Variants in ERCC4 observed in about 807,000 individuals in gnomAD.
ERCC4 encodes the protein DNA repair endonuclease XPF.
In ERCC4, 65 loss-of-function variants were observed where a neutral mutation model predicts 76.9. That is an observed-to-expected ratio of 0.84 (90% CI 0.69 to 1.04). The LOEUF (loss-of-function observed/expected upper bound fraction) is 1.04. Ranked by LOEUF, ERCC4 falls within the 50% of genes least tolerant of loss-of-function variation. ERCC4 has a pLI of 0.00. For missense variants in ERCC4, 1,214 were observed against 1,128.2 expected (o/e 1.08, Z -1.09); for synonymous variants, 463 against 410.1 (o/e 1.13, Z -1.56).
chr16:13,920,219 C>T lies in ERCC4; in HGVS notation c.54C>T (p.Tyr18=), dbSNP rs2141937022. ...TTGCCATGGCGCCGCTGCTGGAGTA[C>T]GAGCGACAGCTGGTGCTGGAACTGC... ...RRIAMAPLLE[Y]ERQLVLELLD... The change falls in exon 1 of 11, where the codon TAC becomes TAT. Residue 18 remains tyrosine, a synonymous_variant. Coordinates refer to ENST00000311895, the MANE Select transcript of ERCC4 (RefSeq NM_005236.3). 4 of 1,607,736 alleles carry T rather than the reference C, an allele frequency of 2.5e-6. No individual in the cohort carries two copies. In the African/African-American group the frequency reaches 4.0e-5, roughly 16 times the overall value.
intron 9 of ERCC4, among the ~76,000 whole-genome samples, chr16:13,939,542 G>T (rs2032373132): frequency 6.6e-6 from 1 of 152,110 alleles, no homozygotes; most frequent in African/African-American, 2.4e-5. Context: ...AGGCAGATGG[G>T]GTGGAAAGGG....
intron 4 of ERCC4, among the ~76,000 whole-genome samples, chr16:13,929,880 C>T (rs2032140506): frequency 6.6e-6 from 1 of 152,168 alleles, no homozygotes. Context: ...AGGATAATGG[C>T]ACGAACCTGG....
intron 2 of ERCC4, among the ~76,000 whole-genome samples, chr16:13,923,943 T>A (rs1026969234): frequency 2.0e-5 from 3 of 152,186 alleles, no homozygotes; most frequent in Non-Finnish European, 4.4e-5. Context: ...GCAACCTAAT[T>A]AGGCAGAGAG....
At chr16:13,930,038 G>C (rs2032143933) in intron 4 of ERCC4, among the ~76,000 whole-genome samples, 1 of 151,966 alleles carries the variant, frequency 6.6e-6, no homozygotes, top group Non-Finnish European at 1.5e-5. Flanking sequence ...ATCCACTTTA[G>C]AAAAAACACT....
intron 2 of ERCC4, among the ~76,000 whole-genome samples, chr16:13,923,718 T>C (rs1205766686): frequency 6.6e-6 from 1 of 150,968 alleles, no homozygotes; most frequent in Non-Finnish European, 1.5e-5. Context: ...AATTTCTTAG[T>C]ATAGTGCCTG....
Position 13,920,174 on chromosome 16 carries a change from A to T in ERCC4, c.9A>T (p.Ser3=). The part of the protein sequence containing the change: ME[S]GQPARRIAMA... ...GACCCGGAAGAGCTTCCATGGAGTC[A>T]GGGCAGCCGGCTCGACGGATTGCCA... The change falls in exon 1 of 11, where the codon TCA becomes TCT. Residue 3 remains serine (S), a synonymous_variant. Transcript: ENST00000311895. The T allele has an allele frequency of 6.2e-7, 1 of 1,605,514 alleles. No individual in the cohort carries two copies. Among genetic ancestry groups the T allele is most frequent in the Non-Finnish European group, 8.5e-7 (1 of 1,179,826 alleles).
At chr16:13,942,561 A>C (rs775418410) in intron 9 of ERCC4, among the ~76,000 whole-genome samples, 3 of 152,240 alleles carry the variant, frequency 2.0e-5, no homozygotes, top group Non-Finnish European at 4.4e-5. Flanking sequence ...AGCGCCTTGC[A>C]TATGTTATGT....
At chr16:13,937,631 A>G (rs1331094814) in intron 8 of ERCC4, 135 bp from the exon 9 acceptor site, 2 of 708,714 alleles carry the variant, frequency 2.8e-6, no homozygotes, top group African/African-American at 1.8e-5. Context: ...AGTGTGTGAT[A>G]AATGAAACCT....
intron 1 of ERCC4, among the ~76,000 whole-genome samples, 159 bp downstream of exon 1, chr16:13,920,531 G>A (rs1181337787): frequency 1.3e-5 from 2 of 152,192 alleles, no homozygotes; most frequent in Admixed American, 1.3e-4. Context: ...GTCCCCAGGG[G>A]GATGCAGGTC....
intron 9 of ERCC4, among the ~76,000 whole-genome samples, chr16:13,941,732 C>T (rs1336335898): frequency 6.6e-6 from 1 of 152,168 alleles, no homozygotes; most frequent in Non-Finnish European, 1.5e-5. Context: ...TAATAACATC[C>T]TCAGTATACA....
intron 8 of ERCC4, 24 bp downstream of exon 8, chr16:13,935,767 T>C (rs2032278634): frequency 6.6e-7 from 1 of 1,517,398 alleles, no homozygotes; most frequent in Non-Finnish European, 9.2e-7. Context: ...AATCACAGCT[T>C]TCAGTTGCAC....
At position 13,920,285 on chromosome 16, in the gene ERCC4, CG is replaced by C. The variant is rs749349821; in HGVS notation, c.121del (p.Ala41ArgfsTer36). 8 of 1,605,044 alleles carry C rather than the reference CG, an allele frequency of 5.0e-6. No homozygotes were observed. The highest frequency in any genetic ancestry group is 6.8e-6 in the Non-Finnish European group (8 of 1,179,808). ...TAGTAGTGTGCGCCCGCGGGCTCGGCGCGGACCGGCTCCTCTACCACTTTCT... is the reference window on the plus strand; with the variant it reads ...TAGTAGTGTGCGCCCGCGGGCTCGGCCGGACCGGCTCCTCTACCACTTTCT... ...GLVVCARGLGADRLLYHFLQL... is the reference protein window; with the variant it reads ...GLVVCARGLGXDRLLYHFLQL... On this transcript the variant is annotated frameshift_variant, in exon 1 of 11. Transcript: ENST00000311895. LOFTEE classifies it high-confidence loss of function.
chr16:13,932,391 C>T (rs923183347), intron 6 of ERCC4, 106 bp downstream of exon 6: 116 of 1,011,708 alleles, frequency 1.1e-4, no homozygotes, highest in Middle Eastern at 6.1e-4. Context: ...AAAGTGTGTT[C>T]CTTGAAGATA....
intron 9 of ERCC4, among the ~76,000 whole-genome samples, chr16:13,943,388 G>A (rs1424097513): frequency 1.3e-5 from 2 of 152,196 alleles, no homozygotes; most frequent in Non-Finnish European, 2.9e-5. Flanking sequence ...AAGCAAACTT[G>A]TCCTTCTTCA....
At chr16:13,947,226 G>A (rs1266522089) in intron 10 of ERCC4, among the ~76,000 whole-genome samples, 2 of 152,162 alleles carry the variant, frequency 1.3e-5, no homozygotes, top group African/African-American at 2.4e-5. Flanking sequence ...TGCTCAGTGA[G>A]CATTTTTAAC....
chr16:13,930,550 C>T lies in ERCC4; in HGVS notation c.793-160C>T, dbSNP rs3136112. On this transcript the variant is annotated intron_variant, in intron 4 of 10. Coordinates refer to ENST00000311895, the MANE Select transcript of ERCC4 (RefSeq NM_005236.3). ...GTTCTAGCCACTTCCTTGAATAATG[C>T]TTGCAGTTTTTTTATTGTAGTAAAA... The T allele has an allele frequency of 0.35, 212,240 of 600,984 alleles. 40,362 individuals carry two copies. Among genetic ancestry groups the T allele is most frequent in the African/African-American group, 0.62 (33,452 of 53,824 alleles). The allele number at this position is 600,984 out of a possible 1,614,324, so 37.2% of individuals were successfully genotyped here. A position where few individuals can be genotyped will look rare whatever the true frequency, so the allele number is the denominator to read the frequency against.
chr16:13,931,848 T>C (rs755303830), intron 5 of ERCC4: 6 of 304,450 alleles, frequency 2.0e-5, no homozygotes, highest in Non-Finnish European at 3.6e-5. Flanking sequence ...TAAAATAACT[T>C]GCTTTTACGC....
intron 9 of ERCC4, among the ~76,000 whole-genome samples, chr16:13,940,507 G>A (rs2032392676): frequency 6.6e-6 from 1 of 152,182 alleles, no homozygotes; most frequent in African/African-American, 2.4e-5. Flanking sequence ...ACATGGATGT[G>A]CTGAGTCCTC....
At chr16:13,939,130 T>C (rs1447474819) in intron 9 of ERCC4, among the ~76,000 whole-genome samples, 1 of 152,182 alleles carries the variant, frequency 6.6e-6, no homozygotes, top group Non-Finnish European at 1.5e-5. Context: ...AGTTCAGAAA[T>C]CGTGTTATAA....
Sources: gnomAD v4.1 joint callset for allele counts (sites outside exome capture counted in the v4.1 genomes callset) on GRCh38, gnomAD v4.1.1 for gene constraint, MANE v1.5 for transcripts, NCBI Gene and HGNC (gene_info 2026-07-23, HGNC 2026-07-21) for gene names.